ADGRG1: variants seen among roughly 807,000 people sequenced by gnomAD.
The protein encoded by ADGRG1 is 7-transmembrane protein with no EGF-like N-terminal domains-1.
ADGRG1 carries 53 observed loss-of-function variants against 73.5 expected under a neutral mutation model. The observed-to-expected ratio is 0.72, with a 90% confidence interval of 0.58 to 0.91. The LOEUF (loss-of-function observed/expected upper bound fraction) is 0.91, where lower values mean the gene tolerates loss of function less well. ADGRG1 is among the 40% of genes least tolerant of loss of function. The probability of loss-of-function intolerance (pLI) is 0.00; values close to 1 mark genes in which losing one functional copy is unlikely to be tolerated. For missense variants in ADGRG1, 795 were observed against 871.8 expected (o/e 0.91, Z 1.11); for synonymous variants, 394 against 374.4 (o/e 1.05, Z -0.60).
intron 1 of ADGRG1, chr16:57,630,865 G>T: frequency 2.6e-6 from 2 of 762,800 alleles, no homozygotes; most frequent in Non-Finnish European, 3.2e-6. Flanking sequence ...AAACATTTGG[G>T]GAACGATACA....
chr16:57,630,216 C>T (rs1192122109), intron 1 of ADGRG1: 3 of 441,336 alleles, frequency 6.8e-6, no homozygotes, highest in Admixed American at 1.3e-4. Context: ...CTGTTGGCTC[C>T]TTGGGGTCAG....
chr16:57,624,732 A>C, upstream of ADGRG1: 1 of 983,960 alleles, frequency 1.0e-6, no homozygotes, highest in Non-Finnish European at 1.2e-6. Context: ...AGGATGCCCT[A>C]ACCCCTTATC....
chr16:57,640,213 T>C (rs1352203637), intron 1 of ADGRG1: 1 of 152,180 alleles, frequency 6.6e-6, no homozygotes, highest in Non-Finnish European at 1.5e-5. Context: ...TGGAAACACA[T>C]TGTTGGAAGC....
chr16:57,623,127 C>G, upstream of ADGRG1: 3 of 970,226 alleles, frequency 3.1e-6, no homozygotes, highest in Non-Finnish European at 3.7e-6. Context: ...TCTCCTCTCA[C>G]AAATGGGGCA....
rs200846541 is a variant in ADGRG1, at chr16:57,651,318, C to G, written c.183C>G (p.Ser61=). 1 of 1,614,174 alleles carries G rather than the reference C, an allele frequency of 6.2e-7. No homozygotes were observed. Among genetic ancestry groups the G allele is most frequent in the Non-Finnish European group, 8.5e-7 (1 of 1,180,004 alleles). The part of the protein sequence containing the change: ...TPDLRISIEN[S]EEALTVHAPF... Reference sequence around the variant, plus strand: ...ACCTGCGCATCTCCATCGAGAACTCCGAAGAGGCCCTCACAGTCCATGCCC... The same window carrying G: ...ACCTGCGCATCTCCATCGAGAACTCGGAAGAGGCCCTCACAGTCCATGCCC... Residue 61 remains serine (S), a synonymous_variant, in exon 3 of 14, where the codon TCC becomes TCG. Transcript: ENST00000562631.
rs2046046419 is a variant in ADGRG1 at position 57,657,561 on chromosome 16, C to T, written c.1286+70C>T. 10 of 1,180,606 alleles carry T rather than the reference C, an allele frequency of 8.5e-6. No individual in the cohort carries two copies. The East Asian group carries it at 2.3e-4, about 28-fold the overall frequency. 73.1% of individuals were successfully genotyped at this position (1,180,606 alleles called of 1,614,324 possible). ...CACACACCTCCACCAGGGCGCCGCA[C>T]ACATCTCCGGTCATGGCCCGCCCGC... On this transcript the variant is annotated intron_variant, in intron 10 of 13. Coordinates refer to ENST00000562631, the MANE Select transcript of ADGRG1 (RefSeq NM_201525.4).
At chr16:57,634,960 G>A in intron 1 of ADGRG1, 1 of 985,428 alleles carries the variant, frequency 1.0e-6, no homozygotes, top group Non-Finnish European at 1.2e-6. Context: ...CACCATGAAA[G>A]CCATGAATGC....
At chr16:57,654,173 G>C in intron 5 of ADGRG1, 40 bp downstream of exon 5, 1 of 1,595,260 alleles carries the variant, frequency 6.3e-7, no homozygotes, top group South Asian at 1.1e-5. Flanking sequence ...TGCGGGTTGG[G>C]CCGGGGCCAG....
At chr16:57,646,433 C>T (rs1300368043) in intron 1 of ADGRG1, 1 of 985,448 alleles carries the variant, frequency 1.0e-6, no homozygotes, top group Non-Finnish European at 1.2e-6. Flanking sequence ...TGGGGAACCC[C>T]ATGATGTGGC....
rs1361428254 is a variant in ADGRG1, at chr16:57,628,696, C to T, written c.-142C>T. 9.1e-6 allele frequency: 9 copies of T among 985,424 alleles called. No homozygotes were observed. In the African/African-American group the frequency reaches 1.4e-4, roughly 15 times the overall value. 61.0% of individuals were successfully genotyped at this position (985,424 alleles called of 1,614,324 possible). ...GGAGCCTCCCACGCTCTCCAGCTCA[C>T]TCGGCAGGCAGCGGGGACCAGGGCT... On this transcript the variant is annotated 5_prime_UTR_variant, in exon 1 of 14. Coordinates refer to ENST00000562631, the MANE Select transcript of ADGRG1 (RefSeq NM_201525.4).
intron 12 of ADGRG1, 92 bp from the exon 13 acceptor site, chr16:57,661,605 G>A: frequency 6.5e-7 from 1 of 1,539,822 alleles, no homozygotes; most frequent in South Asian, 1.2e-5. Context: ...GCTGTAAACA[G>A]TGGATAATCC....
At chr16:57,645,374 A>G (rs1006043528) in intron 1 of ADGRG1, 1 of 837,618 alleles carries the variant, frequency 1.2e-6, no homozygotes, top group African/African-American at 3.0e-5. Flanking sequence ...TTCCCACCCC[A>G]CCACCCCCCA....
intron 1 of ADGRG1, chr16:57,632,040 C>A (rs774701742): frequency 1.1e-4 from 106 of 985,384 alleles, no homozygotes; most frequent in Non-Finnish European, 1.3e-4. Flanking sequence ...AATCCTGGAC[C>A]TTCCCTGACC....
chr16:57,626,691 C>G (rs370114666), upstream of ADGRG1: 175 of 985,428 alleles, frequency 1.8e-4, 1 homozygote, highest in African/African-American at 2.4e-3. Context: ...CTGTGCCCTT[C>G]TGGTCAGCAC....
chr16:57,632,954 C>T, intron 1 of ADGRG1: 1 of 985,344 alleles, frequency 1.0e-6, no homozygotes, highest in Non-Finnish European at 1.2e-6. Flanking sequence ...AACTGCAAAA[C>T]AAGGAACAGT....
At position 57,659,447 on chromosome 16, in the gene ADGRG1, A is replaced by T. The variant is rs372478842; in HGVS notation, c.1321A>T (p.Met441Leu). The change falls in exon 11 of 14, where the codon ATG becomes TTG. Residue 441 changes from methionine to leucine, a missense_variant. Transcript: ENST00000562631. Reference sequence around the variant, plus strand: ...TCGGGACTACACCATCAAGGTGCACATGAACCTGCTGCTGGCCGTCTTCCT... The same window carrying T: ...TCGGGACTACACCATCAAGGTGCACTTGAACCTGCTGCTGGCCGTCTTCCT... ...KPRDYTIKVH[M>L]NLLLAVFLLD... 8 of 1,613,790 alleles carry T rather than the reference A, an allele frequency of 5.0e-6. No homozygotes were observed. In the African/African-American group the frequency reaches 1.1e-4, roughly 22 times the overall value.
In ADGRG1 at chr16:57,651,343, C is replaced by T. The variant is rs1354828290; in HGVS notation, c.208C>T (p.Pro70Ser). 3.1e-6 allele frequency: 5 copies of T among 1,614,098 alleles called. No homozygotes were observed. Among genetic ancestry groups the T allele is most frequent in the African/African-American group, 2.7e-5 (2 of 74,930 alleles). Residue 70 changes from proline to serine, a missense_variant, in exon 3 of 14, where the codon CCT (proline) becomes TCT (serine). Pro to Ser is a moderately conservative substitution (Grantham distance 74). Coordinates refer to ENST00000562631, the MANE Select transcript of ADGRG1 (RefSeq NM_201525.4). ...NSEEALTVHAPFPAAHPASRS... is the reference protein window; with the variant it reads ...NSEEALTVHASFPAAHPASRS... Reference sequence around the variant, plus strand: ...CGAAGAGGCCCTCACAGTCCATGCCCCTTTCCCTGCAGCCCACCCTGCTTC... The same window carrying T: ...CGAAGAGGCCCTCACAGTCCATGCCTCTTTCCCTGCAGCCCACCCTGCTTC...
In ADGRG1 at chr16:57,652,322, G is replaced by T. The variant is rs531464090; in HGVS notation, c.487+700G>T. Among the ~76,000 whole-genome samples the T allele has an allele frequency of 2.0e-5, 3 of 151,824 alleles. No homozygotes were observed. The South Asian group carries it at 6.3e-4, about 32-fold the overall frequency. ...AAGGAGCTTGAAGGTTTACTGGGGG[G>T]TTTTCATGTCTTTCCAGCACCTCAA... On this transcript the variant is annotated intron_variant, in intron 3 of 13. Coordinates refer to ENST00000562631, the MANE Select transcript of ADGRG1 (RefSeq NM_201525.4).
Position 57,628,939 on chromosome 16 carries a change from AGC to A in ADGRG1, c.-36+139_-36+140del, listed in dbSNP as rs1491043697. ...GAGAGTGAGTGTGAGTGTGAGTGTG[AGC>A]GTGAGAGTGTGAGAGTGTGTGAGTG... On this transcript the variant is annotated intron_variant, in intron 1 of 13. Transcript: ENST00000562631. 54 of 696,118 alleles carry A rather than the reference AGC, an allele frequency of 7.8e-5. 2 individuals are homozygous for A. The highest frequency in any genetic ancestry group is 8.2e-5 in the Non-Finnish European group (48 of 587,006). 43.1% of individuals were successfully genotyped at this position (696,118 alleles called of 1,614,324 possible). A position where few individuals can be genotyped will look rare whatever the true frequency, so the allele number is the denominator to read the frequency against.
Sources: allele counts gnomAD v4.1 joint callset (sites outside exome capture counted in the v4.1 genomes callset), GRCh38; gene constraint gnomAD v4.1.1; transcripts MANE v1.5; gene names NCBI Gene and HGNC (gene_info 2026-07-23, HGNC 2026-07-21).